Variants in DOK5 observed in about 807,000 individuals in gnomAD.
DOK5 encodes downstream of tyrosine kinase 5.
Under a neutral mutation model 43.3 loss-of-function variants are expected in DOK5, and 27 were observed. The ratio of observed to expected loss-of-function variants is 0.62; its 90% CI spans 0.46 to 0.86. The LOEUF (loss-of-function observed/expected upper bound fraction) is 0.86. DOK5 is among the 40% of genes least tolerant of loss of function. The pLI, the probability that DOK5 is intolerant of heterozygous loss-of-function variation, is 0.00. For synonymous variants in DOK5, 146 were observed against 140.1 expected (o/e 1.04, Z -0.30); for missense variants, 373 against 392.9 (o/e 0.95, Z 0.43).
chr20:54,639,951 C>T (rs1394681927), intron 6 of DOK5, among the ~76,000 whole-genome samples: 1 of 152,156 alleles, frequency 6.6e-6, no homozygotes, highest in Non-Finnish European at 1.5e-5. Flanking sequence ...GGTTCCAGTT[C>T]AGGGTCACGG....
At chr20:54,571,639 G>C (rs976246770) in intron 2 of DOK5, among the ~76,000 whole-genome samples, 2 of 151,962 alleles carry the variant, frequency 1.3e-5, no homozygotes, top group African/African-American at 2.4e-5. Context: ...GGGAAGGGGG[G>C]TGGGCAAAAT....
At chr20:54,626,021 G>A (rs1373367709) in intron 6 of DOK5, among the ~76,000 whole-genome samples, 3 of 152,236 alleles carry the variant, frequency 2.0e-5, no homozygotes, top group Non-Finnish European at 4.4e-5. Flanking sequence ...AGAGGAAGGA[G>A]CACCGTTGTG....
chr20:54,545,526 T>G (rs1182955975), intron 1 of DOK5, among the ~76,000 whole-genome samples: 1 of 152,144 alleles, frequency 6.6e-6, no homozygotes, highest in East Asian at 1.9e-4. Flanking sequence ...ACCACCACCA[T>G]GGCAGAGGAA....
intron 1 of DOK5, among the ~76,000 whole-genome samples, chr20:54,533,533 T>C (rs960951889): frequency 3.3e-5 from 5 of 152,138 alleles, no homozygotes; most frequent in South Asian, 4.1e-4. Context: ...AAAGAATGCA[T>C]AATAATAAAA....
At chr20:54,581,095 G>T (rs1215664287) in intron 2 of DOK5, among the ~76,000 whole-genome samples, 1 of 151,932 alleles carries the variant, frequency 6.6e-6, no homozygotes, top group African/African-American at 2.4e-5. Context: ...TTTTCATATG[G>T]ATATACAGAT....
At chr20:54,481,448 CGTGAG>C (rs1487984758) in intron 1 of DOK5, among the ~76,000 whole-genome samples, 1 of 152,184 alleles carries the variant, frequency 6.6e-6, no homozygotes, top group Non-Finnish European at 1.5e-5. Context: ...GGATTACAGG[CGTGAG>C]CCACCGTGCC....
chr20:54,563,664 G>GTTTTTTTT (rs76886127), intron 2 of DOK5, among the ~76,000 whole-genome samples: 5 of 114,352 alleles, frequency 4.4e-5, no homozygotes, highest in East Asian at 2.6e-4. Flanking sequence ...TATTTGTCAG[G>GTTTTTTTT]TTTTTTTTTT....
intron 2 of DOK5, among the ~76,000 whole-genome samples, chr20:54,566,522 A>G (rs1239797993): frequency 6.6e-6 from 1 of 152,190 alleles, no homozygotes; most frequent in Non-Finnish European, 1.5e-5. Flanking sequence ...GAGGGACTCT[A>G]CCATTTTACA....
intron 5 of DOK5, among the ~76,000 whole-genome samples, chr20:54,608,058 G>C (rs1183475611): frequency 6.6e-6 from 1 of 152,162 alleles, no homozygotes; most frequent in African/African-American, 2.4e-5. Flanking sequence ...ATAGATTGAT[G>C]ATAGATTGAT....
intron 2 of DOK5, among the ~76,000 whole-genome samples, chr20:54,585,859 C>T (rs181337812): frequency 9.8e-5 from 15 of 152,314 alleles, no homozygotes; most frequent in African/African-American, 3.1e-4. Flanking sequence ...CAGTGGCTCA[C>T]GCCTATAATC....
At chr20:54,531,707 C>A (rs972166483) in intron 1 of DOK5, among the ~76,000 whole-genome samples, 3 of 152,140 alleles carry the variant, frequency 2.0e-5, no homozygotes, top group African/African-American at 7.2e-5. Context: ...TCCAAGAAAG[C>A]GCAAAGAAAG....
rs1440210001 is a variant in DOK5 at position 54,555,090 on chromosome 20, A to G, written c.174+50A>G. ...CCAGTAATCTATTTACAGGGAGGCA[A>G]CTGGAATTACTGACTGAAAACTTGC... On this transcript the variant is annotated intron_variant, in intron 2 of 7. Transcript: ENST00000262593. 8 of 1,244,634 alleles carry G rather than the reference A, an allele frequency of 6.4e-6. No homozygotes were observed. The Admixed American group carries it at 1.4e-4, about 21-fold the overall frequency. 77.1% of individuals were successfully genotyped at this position (1,244,634 alleles called of 1,614,324 possible). A position where few individuals can be genotyped will look rare whatever the true frequency, so the allele number is the denominator to read the frequency against.
intron 1 of DOK5, among the ~76,000 whole-genome samples, chr20:54,528,562 A>G (rs190455575): frequency 1.9e-4 from 29 of 152,286 alleles, no homozygotes; most frequent in Non-Finnish European, 3.7e-4. Context: ...GTCCCTTCTC[A>G]TTTTAAAAAA....
intron 2 of DOK5, among the ~76,000 whole-genome samples, chr20:54,562,487 T>G (rs2146737257): frequency 6.6e-6 from 1 of 152,316 alleles, no homozygotes; most frequent in East Asian, 1.9e-4. Context: ...GGTGCTATCT[T>G]GGCTCATTGC....
chr20:54,643,325 T>C (rs1979215213), intron 6 of DOK5, 133 bp from the exon 7 acceptor site: 2 of 1,247,334 alleles, frequency 1.6e-6, no homozygotes, highest in Non-Finnish European at 2.2e-6. Flanking sequence ...GCCCACCACC[T>C]TCAATCGATG....
intron 1 of DOK5, among the ~76,000 whole-genome samples, chr20:54,492,778 G>A (rs745683480): frequency 2.5e-4 from 38 of 151,894 alleles, no homozygotes; most frequent in Non-Finnish European, 4.4e-4. Context: ...TCTTGGCCAG[G>A]TGCGGTGGCT....
intron 2 of DOK5, among the ~76,000 whole-genome samples, chr20:54,577,479 G>A (rs1821326001): frequency 6.6e-6 from 1 of 152,192 alleles, no homozygotes; most frequent in Non-Finnish European, 1.5e-5. Flanking sequence ...GATAGCCAAT[G>A]TTCTAGTACA....
chr20:54,607,019 C>A (rs929941673), intron 5 of DOK5, among the ~76,000 whole-genome samples: 1 of 152,310 alleles, frequency 6.6e-6, no homozygotes, highest in Admixed American at 6.5e-5. Flanking sequence ...AAGTTGCTGA[C>A]ATATAAAATT....
chr20:54,594,536 T>C (rs1986076879), intron 5 of DOK5, among the ~76,000 whole-genome samples: 1 of 73,446 alleles, frequency 1.4e-5, no homozygotes. Flanking sequence ...GAAAATGTTT[T>C]ATAAATAGAC....
Sources: gnomAD v4.1 joint callset for allele counts (sites outside exome capture counted in the v4.1 genomes callset) on GRCh38, gnomAD v4.1.1 for gene constraint, MANE v1.5 for transcripts, NCBI Gene and HGNC (gene_info 2026-07-23, HGNC 2026-07-21) for gene names.